Variants in USP48 observed in about 807,000 individuals in gnomAD.
USP48 encodes ubiquitin carboxyl-terminal hydrolase 48.
Under a neutral mutation model 150.7 loss-of-function variants are expected in USP48, and 43 were observed. That is an observed-to-expected ratio of 0.29 (90% CI 0.22 to 0.37). The LOEUF (loss-of-function observed/expected upper bound fraction) is 0.37. USP48 is among the 10% of genes least tolerant of loss of function. The pLI is 1.00. For synonymous variants in USP48, 396 were observed against 425.9 expected, an observed-to-expected ratio of 0.93 and a Z score of 0.86; for missense variants, 813 against 1,249.6, an observed-to-expected ratio of 0.65 and a Z score of 5.27.
intron 12 of USP48, among the ~76,000 whole-genome samples, chr1:21,723,258 C>T (rs1168672498): frequency 6.6e-6 from 1 of 152,028 alleles, no homozygotes; most frequent in Non-Finnish European, 1.5e-5. Flanking sequence ...GTGGCTCTTG[C>T]CTGTAATCCC....
At chr1:21,723,232 T>C (rs1017213465) in intron 12 of USP48, among the ~76,000 whole-genome samples, 4 of 152,064 alleles carry the variant, frequency 2.6e-5, no homozygotes, top group African/African-American at 4.8e-5. Flanking sequence ...GAAGTCACCA[T>C]AGCTGGGCGG....
At chr1:21,708,144 CAGAG>C (rs1054592733) in intron 15 of USP48, among the ~76,000 whole-genome samples, 11 of 151,730 alleles carry the variant, frequency 7.2e-5, no homozygotes, top group Non-Finnish European at 1.2e-4. Context: ...GCCTGGGCAA[CAGAG>C]AGAGACGCCA....
chr1:21,770,692 G>C (rs2097877317), intron 1 of USP48, among the ~76,000 whole-genome samples: 1 of 151,606 alleles, frequency 6.6e-6, no homozygotes, highest in Non-Finnish European at 1.5e-5. Context: ...ATATTGGCCA[G>C]ACTGGTCTCG....
At chr1:21,721,283 C>T (rs1032522158) in intron 13 of USP48, 117 bp from the exon 14 acceptor site, 22 of 1,372,720 alleles carry the variant, frequency 1.6e-5, no homozygotes, top group South Asian at 1.0e-4. Context: ...AGCTACTGTA[C>T]ATGTAATTGA....
intron 21 of USP48, 36 bp from the exon 22 acceptor site, chr1:21,701,638 G>C (rs369655336): frequency 6.5e-5 from 103 of 1,593,788 alleles, no homozygotes; most frequent in Non-Finnish European, 7.9e-5. Context: ...AAGTAGGTCA[G>C]ACCCTAGGAA....
At chr1:21,757,819 A>C (rs1408896226) in intron 1 of USP48, 36 bp from the exon 2 acceptor site, 1 of 1,560,372 alleles carries the variant, frequency 6.4e-7, no homozygotes, top group Non-Finnish European at 8.6e-7. Context: ...TTTTTAAAAG[A>C]CCATAGTTTC....
intron 22 of USP48, among the ~76,000 whole-genome samples, chr1:21,700,869 C>G (rs988526805): frequency 4.0e-5 from 6 of 151,896 alleles, no homozygotes; most frequent in African/African-American, 1.5e-4. Flanking sequence ...ATCAGGAGTT[C>G]AAGACCAGCC....
chr1:21,707,883 G>A (rs531147223), intron 15 of USP48, among the ~76,000 whole-genome samples: 1 of 152,172 alleles, frequency 6.6e-6, no homozygotes, highest in Non-Finnish European at 1.5e-5. Context: ...AGGTCTATAG[G>A]CCAGGCACAG....
chr1:21,778,782 G>C (rs961841811), intron 1 of USP48, among the ~76,000 whole-genome samples: 2 of 149,244 alleles, frequency 1.3e-5, no homozygotes, highest in African/African-American at 2.5e-5. Flanking sequence ...ACGGAGTCTC[G>C]TTCTGTCACC....
intron 1 of USP48, among the ~76,000 whole-genome samples, chr1:21,759,163 C>G (rs1269537127): frequency 5.7e-5 from 6 of 105,158 alleles, no homozygotes; most frequent in South Asian, 3.3e-4. Flanking sequence ...GCCTGGGCAA[C>G]AGAGAGAGAC....
intron 1 of USP48, among the ~76,000 whole-genome samples, chr1:21,770,216 T>C (rs1296416032): frequency 6.6e-6 from 1 of 150,584 alleles, no homozygotes; most frequent in Non-Finnish European, 1.5e-5. Flanking sequence ...TGCTTACACA[T>C]AAATTAATCT....
Position 21,733,978 on chromosome 1 carries a change from T to C in USP48, c.1171+2468A>G, listed in dbSNP as rs141137093. Among the ~76,000 whole-genome samples the C allele has an allele frequency of 2.1e-3, 324 of 152,274 alleles. 2 individuals carry two copies. The highest frequency in any genetic ancestry group is 6.9e-3 in the African/African-American group (285 of 41,550). The stretch of plus-strand genomic sequence containing the variant: ...ACCCAGTTAATGTGCTATCTCAATT[T>C]TGTTCCTAGTAAGAATGTCATAATG... On this transcript the variant is annotated intron_variant, in intron 9 of 26. Transcript: ENST00000308271.
intron 3 of USP48, 54 bp from the exon 4 acceptor site, chr1:21,753,173 CA>C: frequency 3.2e-6 from 5 of 1,545,918 alleles, no homozygotes; most frequent in Middle Eastern, 1.8e-4. Flanking sequence ...CTTTTCTTTC[CA>C]AAAAATGGTA....
chr1:21,779,589 A>C (rs1031860954), intron 1 of USP48, among the ~76,000 whole-genome samples: 1 of 152,108 alleles, frequency 6.6e-6, no homozygotes, highest in African/African-American at 2.4e-5. Context: ...AAGTTACCAC[A>C]CAACCCAACA....
At chr1:21,682,710 A>G (rs928369908) in intron 25 of USP48, among the ~76,000 whole-genome samples, 3 of 151,986 alleles carry the variant, frequency 2.0e-5, no homozygotes, top group Admixed American at 1.3e-4. Context: ...CTCTGTCCCT[A>G]CTAAAAATAC....
chr1:21,763,263 T>G (rs1430323440), intron 1 of USP48, among the ~76,000 whole-genome samples: 1 of 152,216 alleles, frequency 6.6e-6, no homozygotes, highest in African/African-American at 2.4e-5. Flanking sequence ...TTCAGTCGGC[T>G]AGAACACCAC....
intron 23 of USP48, among the ~76,000 whole-genome samples, chr1:21,691,627 A>C (rs1230165920): frequency 2.0e-5 from 3 of 152,196 alleles, no homozygotes; most frequent in Admixed American, 2.0e-4. Flanking sequence ...AGAGCAAGAC[A>C]CTATCTCAAA....
chr1:21,736,196 TAGCAGGTTTAGGCTGC>T (rs1361927803), intron 9 of USP48, among the ~76,000 whole-genome samples: 2 of 152,132 alleles, frequency 1.3e-5, no homozygotes, highest in African/African-American at 4.8e-5. Flanking sequence ...CACTTGAGCC[TAGCAGGTTTAGGCTGC>T]AGTCAGCCAT....
intron 3 of USP48, among the ~76,000 whole-genome samples, chr1:21,753,823 TAAAAAAA>T (rs11308463): frequency 1.2e-5 from 1 of 86,638 alleles, no homozygotes; most frequent in East Asian, 3.2e-4. Context: ...CGAGACTCTT[TAAAAAAA>T]AAAAAAAAAA....
Sources: allele counts gnomAD v4.1 joint callset (sites outside exome capture counted in the v4.1 genomes callset), GRCh38; gene constraint gnomAD v4.1.1; transcripts MANE v1.5; gene names NCBI Gene and HGNC (gene_info 2026-07-23, HGNC 2026-07-21).